Variants in GAREM1 observed in about 807,000 individuals in gnomAD.
GAREM1 encodes GRB2 associated regulator of MAPK1 subtype 1.
Under a neutral mutation model 71.3 loss-of-function variants are expected in GAREM1, and 26 were observed. That is an observed-to-expected ratio of 0.36 (90% CI 0.27 to 0.51). GAREM1 has a LOEUF of 0.51. GAREM1 is among the 20% of genes least tolerant of loss of function. GAREM1 has a pLI of 0.95. For missense variants in GAREM1, 1,026 were observed against 1,103.1 expected (o/e 0.93, Z 0.99); for synonymous variants, 440 against 433.2 (o/e 1.02, Z -0.20).
intron 2 of GAREM1, among the ~76,000 whole-genome samples, chr18:32,367,990 C>G (rs1262916739): frequency 1.3e-5 from 2 of 152,184 alleles, no homozygotes; most frequent in East Asian, 3.8e-4. Context: ...CATCTATTCA[C>G]TTTTCTCTAA....
intron 3 of GAREM1, among the ~76,000 whole-genome samples, chr18:32,291,590 C>T (rs2144480592): frequency 1.3e-5 from 2 of 152,040 alleles, no homozygotes; most frequent in Middle Eastern, 3.4e-3. Context: ...TTTGCAGTAC[C>T]CATCAAACCA....
chr18:32,296,964 T>C (rs1277183217), intron 3 of GAREM1, among the ~76,000 whole-genome samples: 8 of 152,196 alleles, frequency 5.3e-5, no homozygotes, highest in African/African-American at 1.9e-4. Context: ...CTTACAAAAA[T>C]ATAGATCAAA....
intron 1 of GAREM1, among the ~76,000 whole-genome samples, chr18:32,437,235 G>C (rs1033906186): frequency 2.6e-5 from 4 of 152,126 alleles, no homozygotes; most frequent in Non-Finnish European, 4.4e-5. Flanking sequence ...ACTCAGCAAT[G>C]ACCTCGAGAG....
intron 2 of GAREM1, among the ~76,000 whole-genome samples, chr18:32,336,605 T>C (rs1286122115): frequency 6.6e-6 from 1 of 152,208 alleles, no homozygotes; most frequent in Non-Finnish European, 1.5e-5. Flanking sequence ...TACAGGGATT[T>C]ATACAATTAT....
At chr18:32,457,222 A>AGTGT (rs547348755) in intron 1 of GAREM1, among the ~76,000 whole-genome samples, 16 of 84,234 alleles carry the variant, frequency 1.9e-4, no homozygotes, top group South Asian at 4.1e-4. Flanking sequence ...AGAGAGAGAG[A>AGTGT]GAGAGTGTGT....
intron 4 of GAREM1, 116 bp from the exon 5 acceptor site, chr18:32,270,499 G>A (rs1252628307): frequency 5.0e-6 from 4 of 803,564 alleles, no homozygotes; most frequent in East Asian, 5.5e-5. Flanking sequence ...CAGGGTGTAA[G>A]CATGGCAGAG....
At chr18:32,291,317 C>CAAA (rs548179742) in intron 3 of GAREM1, among the ~76,000 whole-genome samples, 9 of 77,012 alleles carry the variant, frequency 1.2e-4, no homozygotes, top group African/African-American at 3.8e-4. Context: ...TTTTTGTTAC[C>CAAA]AAAAAAAAAA....
chr18:32,469,233 T>C (rs1296862349), intron 1 of GAREM1, among the ~76,000 whole-genome samples: 1 of 152,108 alleles, frequency 6.6e-6, no homozygotes, highest in Admixed American at 6.5e-5. Context: ...TACCCACTCT[T>C]CTACCCCAGG....
At chr18:32,449,001 T>A (rs899278055) in intron 1 of GAREM1, among the ~76,000 whole-genome samples, 1 of 152,222 alleles carries the variant, frequency 6.6e-6, no homozygotes, top group Non-Finnish European at 1.5e-5. Context: ...CATTTTATGA[T>A]AAGCAATACG....
intron 1 of GAREM1, among the ~76,000 whole-genome samples, chr18:32,426,394 T>C (rs1473835004): frequency 6.6e-6 from 1 of 152,222 alleles, no homozygotes; most frequent in East Asian, 1.9e-4. Context: ...CAAAGCATGA[T>C]TATTTTCCTG....
intron 1 of GAREM1, among the ~76,000 whole-genome samples, chr18:32,455,431 G>A (rs189649834): frequency 6.6e-6 from 1 of 152,188 alleles, no homozygotes; most frequent in East Asian, 1.9e-4. Flanking sequence ...AATAATGGGG[G>A]AAATACACTT....
Position 32,436,938 on chromosome 18 carries a change from A to C in GAREM1, c.121+33370T>G, listed in dbSNP as rs2048685829. ...TTATTTTTTGAGTCAATAAATGTGA[A>C]GCCTACTTTAAAGGTCATCATGGAA... On this transcript the variant is annotated intron_variant, in intron 1 of 5. Coordinates refer to ENST00000269209, the MANE Select transcript of GAREM1 (RefSeq NM_001242409.2). 2.0e-5 allele frequency among the ~76,000 whole-genome samples: 3 copies of C among 152,192 alleles called. No homozygotes were observed. The South Asian group carries it at 6.2e-4, about 32-fold the overall frequency.
rs114110818 is a variant in GAREM1, at chr18:32,450,771, G to A, written c.121+19537C>T. The stretch of plus-strand genomic sequence containing the variant: ...CTCACCCTGTTGAAAGTTGGGTGTC[G>A]CCATGGGTCTTGCCAGTAACAATGA... On this transcript the variant is annotated intron_variant, in intron 1 of 5. Transcript: ENST00000269209. Among the ~76,000 whole-genome samples the A allele has an allele frequency of 7.1e-3, 1,087 of 152,208 alleles. 17 individuals carry two copies. The highest frequency in any genetic ancestry group is 0.025 in the African/African-American group (1,031 of 41,514).
rs370278643 is a variant in GAREM1, at chr18:32,470,396, G to C, written c.33C>G (p.Leu11=). The change falls in exon 1 of 6, where the codon CTC becomes CTG. Residue 11 remains leucine (L), a synonymous_variant. Coordinates refer to ENST00000269209, the MANE Select transcript of GAREM1 (RefSeq NM_001242409.2). The surrounding 1 kb of genome is among the most constrained non-coding windows in gnomAD (Gnocchi z 4.4). Reference sequence around the variant, plus strand: ...CCACCGAGCTCCACTTCACATCCTTGAGGCTGCAGCCCAGCGAGGGCGCCG... The same window carrying C: ...CCACCGAGCTCCACTTCACATCCTTCAGGCTGCAGCCCAGCGAGGGCGCCG... MDPAPSLGCS[L]KDVKWSSVAV... 1.9e-6 allele frequency: 3 copies of C among 1,551,616 alleles called. No homozygotes were observed. The African/African-American group carries it at 4.3e-5, about 22-fold the overall frequency.
At position 32,310,185 on chromosome 18, in the gene GAREM1, G is replaced by T; in HGVS notation, c.393+8C>A. On this transcript the variant is annotated splice_region_variant and intron_variant, in intron 3 of 5. Coordinates refer to ENST00000269209, the MANE Select transcript of GAREM1 (RefSeq NM_001242409.2). ...AGTATAAATATTTGGTGCTTCAAGAGCTACTACCTTCACGTTGAATGTGAT... is the reference window on the plus strand; with the variant it reads ...AGTATAAATATTTGGTGCTTCAAGATCTACTACCTTCACGTTGAATGTGAT... 7.4e-6 allele frequency: 12 copies of T among 1,613,584 alleles called. No homozygotes were observed. Among genetic ancestry groups the T allele is most frequent in the Non-Finnish European group, 1.0e-5 (12 of 1,179,794 alleles).
At chr18:32,292,955 T>G (rs2047101391) in intron 3 of GAREM1, among the ~76,000 whole-genome samples, 1 of 152,140 alleles carries the variant, frequency 6.6e-6, no homozygotes, top group Non-Finnish European at 1.5e-5. Context: ...TAAGATTGAA[T>G]GAATGGCTAA....
intron 4 of GAREM1, among the ~76,000 whole-genome samples, chr18:32,275,942 T>C (rs983566428): frequency 6.6e-6 from 1 of 152,262 alleles, no homozygotes; most frequent in Non-Finnish European, 1.5e-5. Flanking sequence ...CCCAAAGTGC[T>C]GGGATTACAG....
intron 1 of GAREM1, among the ~76,000 whole-genome samples, chr18:32,452,303 G>A (rs2048847886): frequency 6.6e-6 from 1 of 152,118 alleles, no homozygotes; most frequent in Admixed American, 6.6e-5. Context: ...GTCCCGGAAA[G>A]GGAAGGGATG....
At position 32,460,927 on chromosome 18, in the gene GAREM1, T is replaced by C. The variant is rs567965273; in HGVS notation, c.121+9381A>G. Among the ~76,000 whole-genome samples, 3 of 152,278 alleles carry C rather than the reference T, an allele frequency of 2.0e-5. No individual in the cohort carries two copies. The South Asian group carries it at 6.2e-4, about 32-fold the overall frequency. On this transcript the variant is annotated intron_variant, in intron 1 of 5. Coordinates refer to ENST00000269209, the MANE Select transcript of GAREM1 (RefSeq NM_001242409.2). ...ATCTTAACTTCAGAATGAAAAGAAC[T>C]AGCAAAAAGGTGAAAAATCGAAAAA...
Sources: allele counts gnomAD v4.1 joint callset (sites outside exome capture counted in the v4.1 genomes callset), GRCh38; gene constraint gnomAD v4.1.1; non-coding constraint Gnocchi (gnomAD v3.1); transcripts MANE v1.5; gene names NCBI Gene and HGNC (gene_info 2026-07-23, HGNC 2026-07-21).